Variants in LRBA observed in about 807,000 individuals in gnomAD.
LRBA encodes the protein lipopolysaccharide-responsive and beige-like anchor protein.
A neutral mutation model predicts 330.0 loss-of-function variants in LRBA; 176 were observed. The observed-to-expected ratio is 0.53, with a 90% confidence interval of 0.47 to 0.60. LRBA has a LOEUF of 0.60. Ranked by LOEUF, LRBA falls within the 20% of genes least tolerant of loss-of-function variation. The probability of loss-of-function intolerance (pLI) is 0.00; values close to 1 mark genes in which losing one functional copy is unlikely to be tolerated. For synonymous variants in LRBA, 1,230 were observed against 1,193.0 expected (o/e 1.03, Z -0.64); for missense variants, 3,259 against 3,444.8 (o/e 0.95, Z 1.35).
At position 150,897,829 on chromosome 4, in the gene LRBA, A is replaced by C; in HGVS notation, c.1925-11T>G. 1.3e-6 allele frequency: 2 copies of C among 1,568,062 alleles called. No individual in the cohort carries two copies. The highest frequency in any genetic ancestry group is 1.8e-6 in the Non-Finnish European group (2 of 1,139,584). ...TAGGTCGCGGTCCATCTTTTAAAAA[A>C]ATATACACATACACATTTAGTATTT... On this transcript the variant is annotated splice_polypyrimidine_tract_variant and intron_variant, in intron 14 of 56. Coordinates refer to ENST00000651943, the MANE Select transcript of LRBA (RefSeq NM_001364905.1).
intron 42 of LRBA, among the ~76,000 whole-genome samples, chr4:150,474,284 C>G (rs1050036652): frequency 1.2e-4 from 19 of 152,118 alleles, no homozygotes; most frequent in African/African-American, 4.6e-4. Flanking sequence ...ACCGCAAACT[C>G]AAGGATTTAT....
At position 150,960,372 on chromosome 4, in the gene LRBA, A is replaced by G. The variant is rs973706302; in HGVS notation, c.217-31307T>C. On this transcript the variant is annotated intron_variant, in intron 2 of 56. Transcript: ENST00000651943. Reference sequence around the variant, plus strand: ...AGGACACAAGAACATGTTAAACTACACCATGAATATGCACTTAACAAAATC... The same window carrying G: ...AGGACACAAGAACATGTTAAACTACGCCATGAATATGCACTTAACAAAATC... Among the ~76,000 whole-genome samples the G allele has an allele frequency of 2.0e-5, 3 of 148,990 alleles. No individual in the cohort carries two copies. The South Asian group carries it at 6.2e-4, about 31-fold the overall frequency.
intron 33 of LRBA, among the ~76,000 whole-genome samples, chr4:150,802,256 G>A (rs531050933): frequency 6.8e-6 from 1 of 147,666 alleles, no homozygotes; most frequent in South Asian, 2.1e-4. Flanking sequence ...CAAAATTTTG[G>A]GTAAAGCAAT....
At chr4:150,406,804 G>A (rs993708551) in intron 47 of LRBA, among the ~76,000 whole-genome samples, 9 of 151,718 alleles carry the variant, frequency 5.9e-5, no homozygotes, top group African/African-American at 1.7e-4. Flanking sequence ...TTTTGGAGAC[G>A]GAATCTCACT....
intron 40 of LRBA, among the ~76,000 whole-genome samples, chr4:150,510,841 A>C: frequency 6.6e-6 from 1 of 151,762 alleles, no homozygotes. Flanking sequence ...TTTATTTTTT[A>C]TTATTTTATT....
At chr4:150,547,215 T>C (rs754097702) in intron 40 of LRBA, among the ~76,000 whole-genome samples, 3 of 152,314 alleles carry the variant, frequency 2.0e-5, no homozygotes, top group South Asian at 4.1e-4. Flanking sequence ...GGTTATTTTT[T>C]AGAATTATGC....
intron 46 of LRBA, chr4:150,422,736 C>T (rs1748993934): frequency 2.0e-6 from 2 of 1,014,156 alleles, no homozygotes; most frequent in Non-Finnish European, 3.1e-6. Context: ...ACCTGAGGGC[C>T]CAAAGGGCTT....
intron 2 of LRBA, among the ~76,000 whole-genome samples, chr4:150,967,843 AAT>A (rs1236676241): frequency 6.6e-6 from 1 of 152,026 alleles, no homozygotes; most frequent in Non-Finnish European, 1.5e-5. Context: ...GAACTTAATA[AAT>A]GTGGTATGTG....
chr4:151,007,252 A>G (rs1369904864), intron 2 of LRBA, among the ~76,000 whole-genome samples: 2 of 152,218 alleles, frequency 1.3e-5, no homozygotes, highest in African/African-American at 2.4e-5. Flanking sequence ...CTGTAATCCC[A>G]GCACCTTGGG....
chr4:150,984,373 G>T (rs1241172745), intron 2 of LRBA, among the ~76,000 whole-genome samples: 1 of 152,138 alleles, frequency 6.6e-6, no homozygotes, highest in Non-Finnish European at 1.5e-5. Flanking sequence ...GCCGGGCATG[G>T]TGGTGCATGC....
chr4:150,578,492 AT>A (rs753078875), intron 40 of LRBA, among the ~76,000 whole-genome samples: 1 of 152,212 alleles, frequency 6.6e-6, no homozygotes. Flanking sequence ...AGGAAATTCC[AT>A]TAATAATTAA....
chr4:150,560,924 G>A (rs1344308135), intron 40 of LRBA, among the ~76,000 whole-genome samples: 1 of 152,038 alleles, frequency 6.6e-6, no homozygotes, highest in African/African-American at 2.4e-5. Context: ...AGTGGAGGTT[G>A]CGGTGAGCCA....
At chr4:150,936,779 T>C (rs1181487599) in intron 2 of LRBA, among the ~76,000 whole-genome samples, 1 of 152,040 alleles carries the variant, frequency 6.6e-6, no homozygotes, top group East Asian at 1.9e-4. Flanking sequence ...CCACATACAA[T>C]TGTACATCAT....
At chr4:150,267,435 ACAAAC>A (rs1560936069) in intron 56 of LRBA, among the ~76,000 whole-genome samples, 1 of 83,538 alleles carries the variant, frequency 1.2e-5, no homozygotes, top group African/African-American at 4.2e-5. Context: ...GTCAAAAAAA[ACAAAC>A]AACAACATAA....
chr4:150,861,235 T>C (rs186332869), intron 22 of LRBA, among the ~76,000 whole-genome samples: 14 of 151,534 alleles, frequency 9.2e-5, no homozygotes, highest in Admixed American at 2.6e-4. Flanking sequence ...CCTGAGTAGC[T>C]AGAAATACAG....
intron 37 of LRBA, among the ~76,000 whole-genome samples, chr4:150,614,228 G>T: frequency 6.6e-6 from 1 of 152,168 alleles, no homozygotes; most frequent in East Asian, 1.9e-4. Flanking sequence ...AACTCTCCCA[G>T]CTCAGCTTAG....
chr4:150,540,596 G>A (rs1765214446), intron 40 of LRBA, among the ~76,000 whole-genome samples: 1 of 152,204 alleles, frequency 6.6e-6, no homozygotes, highest in Admixed American at 6.5e-5. Flanking sequence ...TCAACAAAAA[G>A]CAATTGTAAG....
intron 2 of LRBA, among the ~76,000 whole-genome samples, chr4:150,937,534 T>C (rs1735204906): frequency 6.6e-6 from 1 of 152,168 alleles, no homozygotes; most frequent in South Asian, 2.1e-4. Context: ...TTGAATAATG[T>C]AGCATGGAAA....
At chr4:150,334,403 T>C (rs1734358930) in intron 48 of LRBA, among the ~76,000 whole-genome samples, 1 of 152,128 alleles carries the variant, frequency 6.6e-6, no homozygotes, top group African/African-American at 2.4e-5. Flanking sequence ...AATTTGGACT[T>C]GAAAGACTTA....
Sources: allele counts gnomAD v4.1 joint callset (sites outside exome capture counted in the v4.1 genomes callset), GRCh38; gene constraint gnomAD v4.1.1; transcripts MANE v1.5; gene names NCBI Gene and HGNC (gene_info 2026-07-23, HGNC 2026-07-21).